ARHGAP15: variants seen among roughly 807,000 people sequenced by gnomAD.
ARHGAP15 encodes Rho GTPase activating protein 15.
ARHGAP15 carries 51 observed loss-of-function variants against 63.7 expected under a neutral mutation model. That is an observed-to-expected ratio of 0.80 (90% CI 0.64 to 1.01). The LOEUF (loss-of-function observed/expected upper bound fraction) is 1.01, where lower values mean the gene tolerates loss of function less well. Ranked by LOEUF, ARHGAP15 falls within the 50% of genes least tolerant of loss-of-function variation. The pLI is 0.00. For missense variants in ARHGAP15, 560 were observed against 564.6 expected (o/e 0.99, Z 0.08); for synonymous variants, 191 against 193.8 (o/e 0.99, Z 0.12).
intron 13 of ARHGAP15, among the ~76,000 whole-genome samples, chr2:143,748,687 A>C (rs1433743894): frequency 6.6e-6 from 1 of 152,152 alleles, no homozygotes; most frequent in African/African-American, 2.4e-5. Flanking sequence ...GTTAAGGTAA[A>C]GTGTATTAAC....
chr2:143,377,063 G>A (rs984886555), intron 6 of ARHGAP15, among the ~76,000 whole-genome samples: 8 of 151,976 alleles, frequency 5.3e-5, no homozygotes, highest in African/African-American at 1.2e-4. Context: ...TTTGGATTTC[G>A]TTTACAAATG....
chr2:143,522,859 A>G (rs942991246), intron 10 of ARHGAP15, among the ~76,000 whole-genome samples: 1 of 152,166 alleles, frequency 6.6e-6, no homozygotes, highest in Non-Finnish European at 1.5e-5. Context: ...ATTTTTCACT[A>G]TGTTATAGAA....
chr2:143,746,532 T>C (rs1686171510), intron 13 of ARHGAP15, among the ~76,000 whole-genome samples: 1 of 152,202 alleles, frequency 6.6e-6, no homozygotes, highest in Non-Finnish European at 1.5e-5. Flanking sequence ...ACAGTCCCTT[T>C]TGGGTGAGAA....
intron 6 of ARHGAP15, among the ~76,000 whole-genome samples, chr2:143,421,878 AGAGT>A (rs1288487441): frequency 6.6e-6 from 1 of 151,576 alleles, no homozygotes; most frequent in Non-Finnish European, 1.5e-5. Flanking sequence ...AGAAAGAGAG[AGAGT>A]GTGAGAGAAA....
intron 6 of ARHGAP15, chr2:143,305,392 C>CA (rs1443298804): frequency 2.6e-5 from 4 of 151,952 alleles, no homozygotes; most frequent in African/African-American, 9.7e-5. Context: ...TTGATGGGTG[C>CA]AGCAAACCAC....
chr2:143,415,566 C>T (rs942285933), intron 6 of ARHGAP15, among the ~76,000 whole-genome samples: 1 of 152,182 alleles, frequency 6.6e-6, no homozygotes, highest in Non-Finnish European at 1.5e-5. Flanking sequence ...GGACACCATT[C>T]TCACCTATCA....
At chr2:143,201,094 G>A (rs145909158) in intron 2 of ARHGAP15, among the ~76,000 whole-genome samples, 63 of 151,910 alleles carry the variant, frequency 4.1e-4, no homozygotes, top group African/African-American at 1.4e-3. Context: ...GGCAATCATC[G>A]GGAGTTCTTT....
intron 12 of ARHGAP15, among the ~76,000 whole-genome samples, chr2:143,690,857 A>G (rs1683566898): frequency 6.6e-6 from 1 of 152,182 alleles, no homozygotes; most frequent in Non-Finnish European, 1.5e-5. Flanking sequence ...CTGAGTCTCA[A>G]GTCTTTAACA....
At chr2:143,636,676 G>A (rs1053106803) in intron 12 of ARHGAP15, among the ~76,000 whole-genome samples, 8 of 152,058 alleles carry the variant, frequency 5.3e-5, no homozygotes, top group East Asian at 1.9e-4. Context: ...AGTGTAACCC[G>A]TAGAGCCTGT....
At chr2:143,556,669 A>G (rs778659391) in intron 11 of ARHGAP15, among the ~76,000 whole-genome samples, 184 bp downstream of exon 11, 30 of 152,116 alleles carry the variant, frequency 2.0e-4, no homozygotes, top group Non-Finnish European at 4.0e-4. Flanking sequence ...AAAGAATAGC[A>G]TATACAGATA....
intron 6 of ARHGAP15, among the ~76,000 whole-genome samples, chr2:143,311,140 A>G (rs1683428591): frequency 6.6e-6 from 1 of 152,002 alleles, no homozygotes; most frequent in Non-Finnish European, 1.5e-5. Flanking sequence ...ATATTTTTCT[A>G]CTCAAATGTT....
chr2:143,342,178 T>C (rs982812649), intron 6 of ARHGAP15, among the ~76,000 whole-genome samples: 2 of 152,106 alleles, frequency 1.3e-5, no homozygotes, highest in African/African-American at 4.8e-5. Context: ...TGGAGATTCA[T>C]AAAAGTTGAA....
At chr2:143,466,602 G>T (rs945782952) in intron 8 of ARHGAP15, among the ~76,000 whole-genome samples, 1 of 152,018 alleles carries the variant, frequency 6.6e-6, no homozygotes, top group East Asian at 1.9e-4. Flanking sequence ...CAAAAAGCAG[G>T]TAATTGAGAG....
Position 143,346,242 on chromosome 2 carries a change from A to T in ARHGAP15, c.475-89359A>T, listed in dbSNP as rs879491957. Among the ~76,000 whole-genome samples, 1,416 of 141,980 alleles carry T rather than the reference A, an allele frequency of 1.0e-2. 22 individuals are homozygous for T. Among genetic ancestry groups the T allele is most frequent in the African/African-American group, 0.035 (1,299 of 36,754 alleles). 93.1% of individuals were successfully genotyped at this position (141,980 alleles called of 152,430 possible). On this transcript the variant is annotated intron_variant, in intron 6 of 13. Coordinates refer to ENST00000295095, the MANE Select transcript of ARHGAP15 (RefSeq NM_018460.4). ...CTCTCACACACACTCTCTCTCACAC[A>T]CACACACTCACACACACACACACAC...
At chr2:143,233,995 C>T (rs1043461379) in intron 5 of ARHGAP15, among the ~76,000 whole-genome samples, 1 of 152,006 alleles carries the variant, frequency 6.6e-6, no homozygotes, top group Non-Finnish European at 1.5e-5. Flanking sequence ...TCTCTCATTT[C>T]CTTCTAAACC....
intron 2 of ARHGAP15, among the ~76,000 whole-genome samples, chr2:143,185,721 AC>A (rs1254204590): frequency 1.3e-5 from 2 of 152,220 alleles, no homozygotes; most frequent in African/African-American, 4.8e-5. Context: ...CTTTGCCAGC[AC>A]CATTAGAAAG....
intron 8 of ARHGAP15, among the ~76,000 whole-genome samples, chr2:143,474,141 C>T (rs1691706066): frequency 1.3e-5 from 2 of 152,196 alleles, no homozygotes; most frequent in African/African-American, 4.8e-5. Context: ...GTAGGGGTGT[C>T]CTGGCATTCA....
At chr2:143,702,104 T>C (rs1034023080) in intron 12 of ARHGAP15, among the ~76,000 whole-genome samples, 1 of 152,190 alleles carries the variant, frequency 6.6e-6, no homozygotes, top group African/African-American at 2.4e-5. Flanking sequence ...TTGCCTTACA[T>C]ATTAGTCTTT....
At chr2:143,208,539 C>G (rs1692439108) in intron 3 of ARHGAP15, among the ~76,000 whole-genome samples, 1 of 152,180 alleles carries the variant, frequency 6.6e-6, no homozygotes, top group African/African-American at 2.4e-5. Flanking sequence ...AGTTCACTGA[C>G]AGATGATGTT....
Sources: gnomAD v4.1 joint callset for allele counts (sites outside exome capture counted in the v4.1 genomes callset) on GRCh38, gnomAD v4.1.1 for gene constraint, MANE v1.5 for transcripts, NCBI Gene and HGNC (gene_info 2026-07-23, HGNC 2026-07-21) for gene names.